Variants in ZNF282 observed in about 807,000 individuals in gnomAD.
ZNF282 encodes HTLV-I U5 repressive element-binding protein 1.
Under a neutral mutation model 61.9 loss-of-function variants are expected in ZNF282, and 30 were observed. The ratio of observed to expected loss-of-function variants is 0.48; its 90% CI spans 0.36 to 0.66. The LOEUF is 0.66. ZNF282 is among the 30% of genes least tolerant of loss of function. The pLI, the probability that ZNF282 is intolerant of heterozygous loss-of-function variation, is 0.00. For synonymous variants in ZNF282, 396 were observed against 405.0 expected (o/e 0.98, Z 0.27); for missense variants, 788 against 941.4 (o/e 0.84, Z 2.13).
chr7:149,215,195 A>ATTTTTTT (rs36096302), intron 7 of ZNF282, among the ~76,000 whole-genome samples: 8 of 90,696 alleles, frequency 8.8e-5, no homozygotes, highest in Non-Finnish European at 1.4e-4. Context: ...ATTTCCTGAC[A>ATTTTTTT]TTTTTTTTTT....
chr7:149,208,122 T>C (rs1796027127), intron 4 of ZNF282, among the ~76,000 whole-genome samples: 1 of 152,208 alleles, frequency 6.6e-6, no homozygotes, highest in African/African-American at 2.4e-5. Context: ...AATCTGGTGC[T>C]CAAACTGTGT....
In ZNF282 at chr7:149,195,632, A is replaced by T. The variant is rs897918206; in HGVS notation, c.43A>T (p.Ile15Phe). Residue 15 changes from isoleucine to phenylalanine, a missense_variant, in exon 1 of 8, where the codon ATC becomes TTC. Ile to Phe is a conservative substitution (Grantham distance 21). Coordinates refer to ENST00000610704, the MANE Select transcript of ZNF282 (RefSeq NM_003575.4). Reference protein sequence around the residue: ...STRPQPQQLGIQGLGLDSGSW... With the variant: ...STRPQPQQLGFQGLGLDSGSW... ...ACGGCCGCAGCCTCAGCAGCTGGGCATCCAGGGCCTGGGGCTGGACAGCGG... is the reference window on the plus strand; with the variant it reads ...ACGGCCGCAGCCTCAGCAGCTGGGCTTCCAGGGCCTGGGGCTGGACAGCGG... The T allele has an allele frequency of 1.9e-6, 3 of 1,610,076 alleles. No individual in the cohort carries two copies. The highest frequency in any genetic ancestry group is 1.7e-6 in the Non-Finnish European group (2 of 1,178,590).
chr7:149,207,284 C>G lies in ZNF282; in HGVS notation c.713-67C>G, dbSNP rs1796007036. ...GGGAGATGGGGTAGGGGAGAGTTCT[C>G]CCTTCCCCTTGCTGGATGCGTTGGT... On this transcript the variant is annotated intron_variant, in intron 3 of 7. Coordinates refer to ENST00000610704, the MANE Select transcript of ZNF282 (RefSeq NM_003575.4). 6 of 1,537,592 alleles carry G rather than the reference C, an allele frequency of 3.9e-6. No individual in the cohort carries two copies. The South Asian group carries it at 7.3e-5, about 19-fold the overall frequency.
chr7:149,214,417 G>T (rs970072395), intron 7 of ZNF282, among the ~76,000 whole-genome samples: 7 of 152,172 alleles, frequency 4.6e-5, no homozygotes, highest in African/African-American at 7.2e-5. Flanking sequence ...TTGGTGGGGA[G>T]GGGGGAAGGC....
At chr7:149,223,546 T>C (rs1046323429) in intron 7 of ZNF282, among the ~76,000 whole-genome samples, 2 of 152,172 alleles carry the variant, frequency 1.3e-5, no homozygotes, top group Non-Finnish European at 2.9e-5. Flanking sequence ...GGACAGCAGG[T>C]CCCCTACCCC....
At chr7:149,195,841 G>C in intron 1 of ZNF282, 87 bp downstream of exon 1, 2 of 1,175,092 alleles carry the variant, frequency 1.7e-6, no homozygotes, top group Non-Finnish European at 2.1e-6. Context: ...GCCGTCCTCC[G>C]GTAGCCTTGC....
intron 7 of ZNF282, among the ~76,000 whole-genome samples, chr7:149,222,052 G>T (rs1796263038): frequency 7.9e-6 from 1 of 127,372 alleles, no homozygotes; most frequent in Non-Finnish European, 1.6e-5. Flanking sequence ...GGAGCGTGAG[G>T]CATGAGAACC....
chr7:149,224,496 G>A lies in ZNF282; in HGVS notation c.1865G>A (p.Arg622His). 1 of 1,612,986 alleles carries A rather than the reference G, an allele frequency of 6.2e-7. No homozygotes were observed. The highest frequency in any genetic ancestry group is 8.5e-7 in the Non-Finnish European group (1 of 1,179,868). Reference sequence around the variant, plus strand: ...AAGCAGAACCTGCTCAAGCACCAGCGCATCCACACGGGCGAGCGCCCCTAC... The same window carrying A: ...AAGCAGAACCTGCTCAAGCACCAGCACATCCACACGGGCGAGCGCCCCTAC... Reference protein sequence around the residue: ...IRKQNLLKHQRIHTGERPYTC... With the variant: ...IRKQNLLKHQHIHTGERPYTC... The change falls in exon 8 of 8, where the codon CGC (arginine) becomes CAC (histidine). Residue 622 changes from arginine (R) to histidine (H), a missense_variant. Arg to His is a conservative substitution (Grantham distance 29). Around this residue, in one of 3 missense-constraint regions of ZNF282, gnomAD observed 559 missense variants for 642.0 expected, o/e 0.87. Coordinates refer to ENST00000610704, the MANE Select transcript of ZNF282 (RefSeq NM_003575.4).
intron 2 of ZNF282, among the ~76,000 whole-genome samples, chr7:149,206,035 G>A (rs1371193420): frequency 6.6e-6 from 1 of 152,152 alleles, no homozygotes; most frequent in African/African-American, 2.4e-5. Flanking sequence ...AACTGAAATC[G>A]GCTTTCTGTA....
chr7:149,212,023 G>T (rs532463977), intron 5 of ZNF282, among the ~76,000 whole-genome samples: 7 of 152,278 alleles, frequency 4.6e-5, no homozygotes, highest in African/African-American at 1.7e-4. Context: ...CTTTCTGGAA[G>T]TTTTCATCTT....
chr7:149,214,160 C>A (rs1416282986), intron 7 of ZNF282, among the ~76,000 whole-genome samples: 4 of 152,176 alleles, frequency 2.6e-5, no homozygotes, highest in Non-Finnish European at 4.4e-5. Context: ...TCGCCTCTCC[C>A]AGCTTCTGCT....
chr7:149,207,588 G>T (rs935322468), intron 4 of ZNF282, 118 bp downstream of exon 4: 304 of 1,447,176 alleles, frequency 2.1e-4, no homozygotes, highest in Non-Finnish European at 2.4e-4. Flanking sequence ...AGGGTCTTGG[G>T]TGGCTCCCAG....
rs151305443 is a variant in ZNF282 at position 149,204,114 on chromosome 7, C to T, written c.586-2582C>T. On this transcript the variant is annotated intron_variant, in intron 2 of 7. Coordinates refer to ENST00000610704, the MANE Select transcript of ZNF282 (RefSeq NM_003575.4). ...GGGCCTGATTCCGGCATGGCTCACTCACGTACCTGTTGGTGGGAGGCACGT... is the reference window on the plus strand; with the variant it reads ...GGGCCTGATTCCGGCATGGCTCACTTACGTACCTGTTGGTGGGAGGCACGT... 2.6e-3 allele frequency among the ~76,000 whole-genome samples: 393 copies of T among 152,072 alleles called. 1 individual carries two copies. The highest frequency in any genetic ancestry group is 9.3e-3 in the African/African-American group (384 of 41,452).
At chr7:149,222,921 C>T (rs1353371680) in intron 7 of ZNF282, among the ~76,000 whole-genome samples, 1 of 152,144 alleles carries the variant, frequency 6.6e-6, no homozygotes, top group Non-Finnish European at 1.5e-5. Flanking sequence ...GCTGGGATTA[C>T]AGGCGTGAGC....
At chr7:149,214,599 G>C (rs1043724603) in intron 7 of ZNF282, among the ~76,000 whole-genome samples, 26 of 152,184 alleles carry the variant, frequency 1.7e-4, no homozygotes, top group African/African-American at 6.3e-4. Flanking sequence ...GGAGGCTGAG[G>C]TGGAAGGATC....
chr7:149,195,832 C>G (rs1262138838), intron 1 of ZNF282, 78 bp downstream of exon 1: 1 of 1,221,834 alleles, frequency 8.2e-7, no homozygotes, highest in African/African-American at 1.6e-5. Flanking sequence ...CCGGGCCGCG[C>G]CGTCCTCCGG....
chr7:149,215,010 C>T (rs73725461), intron 7 of ZNF282, among the ~76,000 whole-genome samples: 2,464 of 152,110 alleles, frequency 0.016, 71 homozygotes, highest in African/African-American at 0.057. Context: ...TCTGAAGCTC[C>T]CTTATTGACC....
chr7:149,214,915 A>G (rs1429822617), intron 7 of ZNF282, among the ~76,000 whole-genome samples: 6 of 152,212 alleles, frequency 3.9e-5, no homozygotes, highest in African/African-American at 7.2e-5. Flanking sequence ...TGATGAACAC[A>G]CTGAAGCTCA....
rs561092412 is a variant in ZNF282, at chr7:149,217,849, G to A, written c.1180+4035G>A. ...ACCAAGAAGAGGGAAGTGAAGGCAG[G>A]GCCATGGAGGCTTTGGGGAGGAGGA... is the stretch of plus-strand genomic sequence containing the variant. On this transcript the variant is annotated intron_variant, in intron 7 of 7. Coordinates refer to ENST00000610704, the MANE Select transcript of ZNF282 (RefSeq NM_003575.4). Among the ~76,000 whole-genome samples, 35 of 152,220 alleles carry A rather than the reference G, an allele frequency of 2.3e-4. No homozygotes were observed. The South Asian group carries it at 6.8e-3, about 30-fold the overall frequency.
Sources: allele counts gnomAD v4.1 joint callset (sites outside exome capture counted in the v4.1 genomes callset), GRCh38; gene constraint gnomAD v4.1.1; regional missense constraint gnomAD v4.1.1; transcripts MANE v1.5; gene names NCBI Gene and HGNC (gene_info 2026-07-23, HGNC 2026-07-21).